The following PIEZO1 variants were observed in gnomAD, a reference collection of about 807,000 sequenced individuals.
The protein encoded by PIEZO1 is piezo-type mechanosensitive ion channel component 1.
A neutral mutation model predicts 297.2 loss-of-function variants in PIEZO1; 296 were observed. The observed-to-expected ratio is 1.00, with a 90% confidence interval of 0.91 to 1.10. The LOEUF (loss-of-function observed/expected upper bound fraction) is 1.10. Among genes scored for constraint, PIEZO1 ranks in the 50% least tolerant of loss-of-function variants. The pLI, the probability that PIEZO1 is intolerant of heterozygous loss-of-function variation, is 0.00. For synonymous variants in PIEZO1, 2,427 were observed against 1,507.5 expected (o/e 1.61, Z -14.13); for missense variants, 5,018 against 3,455.5 (o/e 1.45, Z -11.34).
At chr16:88,777,525 A>C (rs1025257826) in intron 1 of PIEZO1, among the ~76,000 whole-genome samples, 1 of 152,128 alleles carries the variant, frequency 6.6e-6, no homozygotes, top group Non-Finnish European at 1.5e-5. Context: ...CGGGGTCCTC[A>C]TTGTCACTGG....
Position 88,722,615 on chromosome 16 carries a change from G to C in PIEZO1, c.4743C>G (p.Thr1581=), listed in dbSNP as rs769386844. 3.3e-6 allele frequency: 5 copies of C among 1,537,946 alleles called. No individual in the cohort carries two copies. Among genetic ancestry groups the C allele is most frequent in the Non-Finnish European group, 4.4e-6 (5 of 1,145,496 alleles). Reference sequence around the variant, plus strand: ...CGGTGCTTGGGGCATTGGGGGCCTCGGTGGGGCCTGGCAGCGTGGCCTCGG... The same window carrying C: ...CGGTGCTTGGGGCATTGGGGGCCTCCGTGGGGCCTGGCAGCGTGGCCTCGG... ...SQAEATLPGP[T]EAPNAPSTVS... is the part of the protein sequence containing the mutation. The change falls in exon 35 of 51, where the codon ACC becomes ACG. Residue 1581 remains threonine, a synonymous_variant. Coordinates refer to ENST00000301015, the MANE Select transcript of PIEZO1 (RefSeq NM_001142864.4).
Position 88,720,211 on chromosome 16 carries a change from G to T in PIEZO1, c.6022C>A (p.Leu2008Met). ...DQVPEAFLVM[L>M]LIQFSTMVVD... The stretch of plus-strand genomic sequence containing the variant: ...ACCATGGTACTGAACTGGATCAGCA[G>T]CATGACCAGGAAAGCCTCGGGTACC... Residue 2008 changes from leucine (L) to methionine (M), a missense_variant, in exon 42 of 51, where the codon CTG (leucine) becomes ATG (methionine). By Grantham distance (15) the Leu-to-Met change is conservative. Transcript: ENST00000301015. 6.4e-7 allele frequency: 1 copy of T among 1,550,580 alleles called. No homozygotes were observed. The highest frequency in any genetic ancestry group is 8.7e-7 in the Non-Finnish European group (1 of 1,146,970).
chr16:88,723,038 G>C (rs1164981553), intron 33 of PIEZO1, 29 bp from the exon 34 acceptor site: 1 of 1,543,364 alleles, frequency 6.5e-7, no homozygotes, highest in African/African-American at 1.4e-5. Flanking sequence ...GGGCGCTGGA[G>C]GGGCAGCCTG....
intron 1 of PIEZO1, among the ~76,000 whole-genome samples, chr16:88,770,810 A>C (rs989784383): frequency 1.2e-4 from 19 of 152,304 alleles, no homozygotes; most frequent in Admixed American, 3.9e-4. Flanking sequence ...GCCCTGCCAT[A>C]GGTGACACCA....
At chr16:88,755,607 C>T (rs1328910521) in intron 1 of PIEZO1, among the ~76,000 whole-genome samples, 2 of 152,252 alleles carry the variant, frequency 1.3e-5, no homozygotes, top group Non-Finnish European at 2.9e-5. Context: ...CGGGTACCAA[C>T]ACACTTGCTC....
chr16:88,722,328 G>A lies in PIEZO1; in HGVS notation c.4845C>T (p.Tyr1615=). ...CCTCCTCACTGCCACTGCGCGTGTGGTAGCCGGTGCTCAGGGGGCTGCCCA... is the reference window on the plus strand; with the variant it reads ...CCTCCTCACTGCCACTGCGCGTGTGATAGCCGGTGCTCAGGGGGCTGCCCA... ...DDMGSPLSTG[Y]HTRSGSEEAV... The change falls in exon 36 of 51, where the codon TAC becomes TAT. Residue 1615 remains tyrosine (Y), a synonymous_variant. Transcript: ENST00000301015. The A allele has an allele frequency of 6.5e-7, 1 of 1,544,476 alleles. No homozygotes were observed. The highest frequency in any genetic ancestry group is 1.4e-5 in the African/African-American group (1 of 73,096).
Position 88,742,194 on chromosome 16 carries a change from C to A in PIEZO1, c.284-99G>T. ...TTTCACCTGGACCATCCAGGCCAGACATAAATCAGGCTGAGTCAACCCCCC... is the reference window on the plus strand; with the variant it reads ...TTTCACCTGGACCATCCAGGCCAGAAATAAATCAGGCTGAGTCAACCCCCC... On this transcript the variant is annotated intron_variant, in intron 3 of 50. Coordinates refer to ENST00000301015, the MANE Select transcript of PIEZO1 (RefSeq NM_001142864.4). The A allele has an allele frequency of 5.3e-6, 8 of 1,504,594 alleles. No individual in the cohort carries two copies. The South Asian group carries it at 9.8e-5, about 19-fold the overall frequency. The allele number at this position is 1,504,594 out of a possible 1,614,324, so 93.2% of individuals were successfully genotyped here.
chr16:88,719,476 C>T (rs1369554658), intron 44 of PIEZO1, 98 bp downstream of exon 44: 3 of 1,206,916 alleles, frequency 2.5e-6, no homozygotes, highest in African/African-American at 3.0e-5. Context: ...CCTGGGAGGG[C>T]CTCCAGCACC....
Position 88,720,663 on chromosome 16 carries a change from T to G in PIEZO1, c.5754A>C (p.Gly1918=). 1 of 1,548,424 alleles carries G rather than the reference T, an allele frequency of 6.5e-7. No individual in the cohort carries two copies. The highest frequency in any genetic ancestry group is 8.7e-7 in the Non-Finnish European group (1 of 1,145,978). ...GCCGCCGCCCGGCCGCCCTTACTCTTCCTCCAGAGCGGCTTGGCCTCTTCT... is the reference window on the plus strand; with the variant it reads ...GCCGCCGCCCGGCCGCCCTTACTCTGCCTCCAGAGCGGCTTGGCCTCTTCT... ...GREKRPSRSG[G]RVRAAGRRLQ... The change falls in exon 40 of 51, where the codon GGA becomes GGC. Residue 1918 remains glycine (G), a synonymous_variant. Coordinates refer to ENST00000301015, the MANE Select transcript of PIEZO1 (RefSeq NM_001142864.4).
Position 88,721,817 on chromosome 16 carries a change from G to A in PIEZO1, c.5205C>T (p.Val1735=). The part of the protein sequence containing the change: ...PSKRFWMTAI[V]FTEIAVVVKY... ...CGCGGCCTCGGCCCACCTCGGTGAA[G>A]ACGATGGCCGTCATCCAGAAGCGCT... The change falls in exon 37 of 51, where the codon GTC becomes GTT. Residue 1735 remains valine, a synonymous_variant. Coordinates refer to ENST00000301015, the MANE Select transcript of PIEZO1 (RefSeq NM_001142864.4). The A allele has an allele frequency of 6.5e-7, 1 of 1,546,044 alleles. No homozygotes were observed. Among genetic ancestry groups the A allele is most frequent in the South Asian group, 1.2e-5 (1 of 84,004 alleles).
chr16:88,772,468 G>A (rs544792128), intron 1 of PIEZO1, among the ~76,000 whole-genome samples: 430 of 152,300 alleles, frequency 2.8e-3, no homozygotes, highest in Admixed American at 7.7e-3. Flanking sequence ...CAGAGGGCAC[G>A]GCTTCCTCCC....
In PIEZO1 at chr16:88,775,626, G is replaced by A. The variant is rs1768077177; in HGVS notation, c.64+9275C>T. 2.0e-5 allele frequency among the ~76,000 whole-genome samples: 3 copies of A among 151,646 alleles called. No homozygotes were observed. The Admixed American group carries it at 2.0e-4, about 10-fold the overall frequency. ...CACCTGTAGTCCTAGCTACTTGGGA[G>A]GCTAAGGCAGGAGAATCGGTTGAAC... is the stretch of plus-strand genomic sequence containing the variant. On this transcript the variant is annotated intron_variant, in intron 1 of 50. Transcript: ENST00000301015.
At position 88,736,292 on chromosome 16, in the gene PIEZO1, C is replaced by T; in HGVS notation, c.1413G>A (p.Leu471=). 1.3e-6 allele frequency: 2 copies of T among 1,550,230 alleles called. No homozygotes were observed. Among genetic ancestry groups the T allele is most frequent in the African/African-American group, 1.4e-5 (1 of 73,160 alleles). Residue 471 remains leucine (L), a synonymous_variant, in exon 12 of 51, where the codon CTG becomes CTA. Transcript: ENST00000301015. ...QLAMLCSPCI[L]LYGMTLCCLR... is the part of the protein sequence containing the mutation. The stretch of plus-strand genomic sequence containing the variant: ...GGCAGCACAGCGTCATCCCATACAG[C>T]AGGATGCAGGGCGAGCACAGCATGG...
Position 88,785,054 on chromosome 16 carries a change from T to C in PIEZO1, c.-90A>G. ...GGCCCCGGGGCCGGCGCGCCATGGC[T>C]GACCCGCGGGGACCCGCGCGCCGCC... On this transcript the variant is annotated 5_prime_UTR_variant, in exon 1 of 51. Transcript: ENST00000301015. 1.3e-6 allele frequency: 1 copy of C among 772,270 alleles called. No individual in the cohort carries two copies. The highest frequency in any genetic ancestry group is 1.7e-6 in the Non-Finnish European group (1 of 587,084). 47.8% of individuals were successfully genotyped at this position (772,270 alleles called of 1,614,324 possible).
rs1597456313 is a variant in PIEZO1 at position 88,733,128 on chromosome 16, C to A, written c.2664+150G>T. 2.1e-5 allele frequency: 15 copies of A among 710,896 alleles called. No individual in the cohort carries two copies. In the East Asian group the frequency reaches 4.1e-4, roughly 19 times the overall value. 44.0% of individuals were successfully genotyped at this position (710,896 alleles called of 1,614,324 possible). On this transcript the variant is annotated intron_variant, in intron 19 of 50. Coordinates refer to ENST00000301015, the MANE Select transcript of PIEZO1 (RefSeq NM_001142864.4). ...CACAGTTGAGGTCGAAGGATGCTGC[C>A]TCCAGGAAGCCCCCTTGGCGCCCCC...
intron 5 of PIEZO1, chr16:88,741,248 G>T: frequency 2.0e-6 from 1 of 491,398 alleles, no homozygotes; most frequent in Non-Finnish European, 3.6e-6. Flanking sequence ...GCCATGTCGG[G>T]GCGTGGAGGT....
rs1567661373 is a variant in PIEZO1, at chr16:88,721,438, GC to G, written c.5404-9del. 6.5e-7 allele frequency: 1 copy of G among 1,544,208 alleles called. No homozygotes were observed. Among genetic ancestry groups the G allele is most frequent in the Non-Finnish European group, 8.8e-7 (1 of 1,142,370 alleles). ...GTCCCAGAGGCCATAGCACTGAGGG[GC>G]GGGAGGGTGTGGTGAGGGGGCCTTG... On this transcript the variant is annotated splice_polypyrimidine_tract_variant and intron_variant, in intron 38 of 50. Coordinates refer to ENST00000301015, the MANE Select transcript of PIEZO1 (RefSeq NM_001142864.4).
Position 88,731,693 on chromosome 16 carries a change from A to G in PIEZO1, c.3196+13T>C. The G allele has an allele frequency of 1.3e-6, 2 of 1,546,626 alleles. No individual in the cohort carries two copies. Among genetic ancestry groups the G allele is most frequent in the Non-Finnish European group, 1.7e-6 (2 of 1,144,566 alleles). The stretch of plus-strand genomic sequence containing the variant: ...CACAAAGCCCACTCCCACCCAAGCC[A>G]CGTGCCCCTCACCAATGCACAGGGC... On this transcript the variant is annotated intron_variant, in intron 22 of 50. Transcript: ENST00000301015.
At chr16:88,748,965 C>G (rs1042653591) in intron 2 of PIEZO1, among the ~76,000 whole-genome samples, 2 of 138,072 alleles carry the variant, frequency 1.4e-5, no homozygotes, top group South Asian at 2.3e-4. Flanking sequence ...AAGCCGGGCG[C>G]GGTGGCTCAC....
Sources: gnomAD v4.1 joint callset for allele counts (sites outside exome capture counted in the v4.1 genomes callset) on GRCh38, gnomAD v4.1.1 for gene constraint, MANE v1.5 for transcripts, NCBI Gene and HGNC (gene_info 2026-07-23, HGNC 2026-07-21) for gene names.